KCTD2: variants seen among roughly 807,000 people sequenced by gnomAD.
KCTD2 encodes the protein potassium channel tetramerization domain containing 2, also known as BTB/POZ domain-containing protein KCTD2.
In KCTD2, 18 loss-of-function variants were observed where a neutral mutation model predicts 27.9. The ratio of observed to expected loss-of-function variants is 0.64; its 90% CI spans 0.45 to 0.96. The LOEUF (loss-of-function observed/expected upper bound fraction) is 0.96. Among genes scored for constraint, KCTD2 ranks in the 40% least tolerant of loss-of-function variants. The probability of loss-of-function intolerance (pLI) is 0.00; values close to 1 mark genes in which losing one functional copy is unlikely to be tolerated. For missense variants in KCTD2, 280 were observed against 348.0 expected (o/e 0.80, Z 1.56); for synonymous variants, 175 against 148.4 (o/e 1.18, Z -1.30).
At chr17:75,062,959 C>T in intron 5 of KCTD2, 59 bp from the exon 6 acceptor site, 1 of 1,580,114 alleles carries the variant, frequency 6.3e-7, no homozygotes, top group Non-Finnish European at 8.7e-7. Flanking sequence ...GAAAGCATCC[C>T]CCGACATCTC....
At position 75,065,507 on chromosome 17, in the gene KCTD2, G is replaced by C. The variant is rs969550476; in HGVS notation, c.*2460G>C. The C allele has an allele frequency of 6.6e-6, 1 of 152,416 alleles. No homozygotes were observed. The highest frequency in any genetic ancestry group is 1.9e-4 in the East Asian group (1 of 5,202). 9.4% of individuals were successfully genotyped at this position (152,416 alleles called of 1,614,324 possible). A position where few individuals can be genotyped will look rare whatever the true frequency, so the allele number is the denominator to read the frequency against. The stretch of plus-strand genomic sequence containing the variant: ...GCCTTTTTCTCTGCCCCAGGTCTGG[G>C]ACGCAGGTGATGCCAGCCAGGCCCA... On this transcript the variant is annotated 3_prime_UTR_variant, in exon 6 of 6. Transcript: ENST00000322444.
intron 4 of KCTD2, 53 bp downstream of exon 4, chr17:75,059,658 C>A: frequency 7.2e-7 from 1 of 1,387,054 alleles, no homozygotes; most frequent in Admixed American, 1.7e-5. Context: ...GGGTCTGCAG[C>A]TCTTCAAACA....
At chr17:75,049,515 C>G (rs2144926193) in intron 2 of KCTD2, among the ~76,000 whole-genome samples, 187 bp downstream of exon 2, 1 of 152,322 alleles carries the variant, frequency 6.6e-6, no homozygotes, top group Middle Eastern at 3.4e-3. Flanking sequence ...CCTCCTTAGG[C>G]TTTGTTCAGC....
rs552348833 is a variant in KCTD2 at position 75,064,119 on chromosome 17, A to G, written c.*1072A>G. 6.5e-6 allele frequency: 1 copy of G among 152,810 alleles called. No homozygotes were observed. Among genetic ancestry groups the G allele is most frequent in the African/African-American group, 2.4e-5 (1 of 41,576 alleles). 9.5% of individuals were successfully genotyped at this position (152,810 alleles called of 1,614,324 possible). On this transcript the variant is annotated 3_prime_UTR_variant, in exon 6 of 6. Transcript: ENST00000322444. ...CCCCAGTGGTATGTATGTATGTGCT[A>G]GGCAGTCTGGGGACCCCCTGTGTCT... is the stretch of plus-strand genomic sequence containing the variant.
At chr17:75,050,675 T>C (rs558403064) in intron 2 of KCTD2, among the ~76,000 whole-genome samples, 1 of 152,324 alleles carries the variant, frequency 6.6e-6, no homozygotes, top group East Asian at 1.9e-4. Context: ...TACCCTCTTT[T>C]AGTTAAGTAT....
At chr17:75,034,518 A>T (rs1012189374) in intron 2 of KCTD2, among the ~76,000 whole-genome samples, 4 of 152,172 alleles carry the variant, frequency 2.6e-5, no homozygotes, top group African/African-American at 9.6e-5. Context: ...TAAGACGCTA[A>T]ACCCACGTGC....
At chr17:75,048,908 ATGTT>A (rs1258519029) in intron 1 of KCTD2, 1 of 220,100 alleles carries the variant, frequency 4.5e-6, no homozygotes, top group Non-Finnish European at 8.9e-6. Flanking sequence ...CTACAGAAGA[ATGTT>A]TGTCACTGTA....
At chr17:75,047,980 G>A (rs2073245434) in intron 1 of KCTD2, among the ~76,000 whole-genome samples, 1 of 152,180 alleles carries the variant, frequency 6.6e-6, no homozygotes, top group Admixed American at 6.5e-5. Flanking sequence ...CCAGAACTGG[G>A]TCAGGGTTAG....
chr17:75,038,932 T>G, intron 3 of KCTD2: 1 of 1,612,170 alleles, frequency 6.2e-7, no homozygotes, highest in Non-Finnish European at 8.5e-7. Context: ...GGACTCAATT[T>G]TATAAATTCT....
At chr17:75,049,113 A>T in intron 1 of KCTD2, 107 bp from the exon 2 acceptor site, 1 of 641,598 alleles carries the variant, frequency 1.6e-6, no homozygotes, top group Non-Finnish European at 2.7e-6. Context: ...AGCTGATGGA[A>T]TGAATTGTTG....
At chr17:75,062,331 C>T in intron 5 of KCTD2, 86 bp downstream of exon 5, 1 of 1,346,262 alleles carries the variant, frequency 7.4e-7, no homozygotes, top group South Asian at 1.4e-5. Flanking sequence ...TTGCTCCTCA[C>T]TTCTTCCCTG....
At chr17:75,039,021 T>C (rs1403402287) in intron 3 of KCTD2, 1 of 1,614,160 alleles carries the variant, frequency 6.2e-7, no homozygotes, top group African/African-American at 1.3e-5. Flanking sequence ...AAGTCCTCAA[T>C]GGTCATCTGA....
intron 3 of KCTD2, among the ~76,000 whole-genome samples, chr17:75,058,671 C>T (rs1014053858): frequency 9.7e-5 from 14 of 143,952 alleles, no homozygotes; most frequent in East Asian, 2.1e-4. Flanking sequence ...TAGCGGCAGG[C>T]GCCTGTAATC....
chr17:75,052,941 C>G, intron 2 of KCTD2, 73 bp from the exon 3 acceptor site: 7 of 1,053,430 alleles, frequency 6.6e-6, no homozygotes, highest in Non-Finnish European at 1.0e-5. Flanking sequence ...AAGCATGTAA[C>G]CTTCATCCTC....
At position 75,052,556 on chromosome 17, in the gene KCTD2, T is replaced by C. The variant is rs148932944; in HGVS notation, c.449-458T>C. 1.8e-4 allele frequency among the ~76,000 whole-genome samples: 28 copies of C among 152,318 alleles called. No homozygotes were observed. In the East Asian group the frequency reaches 4.2e-3, roughly 23 times the overall value. On this transcript the variant is annotated intron_variant, in intron 2 of 5. Transcript: ENST00000322444. ...GACCAACATGATGAAACCCTGTCTCTACTAAAAATACAAAAAATTAGCCAG... is the reference window on the plus strand; with the variant it reads ...GACCAACATGATGAAACCCTGTCTCCACTAAAAATACAAAAAATTAGCCAG...
In KCTD2 at chr17:75,059,524, C is replaced by T. The variant is rs766925974; in HGVS notation, c.555C>T (p.His185=). The change falls in exon 4 of 6, where the codon CAC becomes CAT. Residue 185 remains histidine, a synonymous_variant. Coordinates refer to ENST00000322444, the MANE Select transcript of KCTD2 (RefSeq NM_015353.3). ...GGTCATTGCAGGGCCCCGTGAAGCA[C>T]GTGTACAGAGTCCTGCAGTGTCAGG... is the stretch of plus-strand genomic sequence containing the variant. ...ENRTSQGPVK[H]VYRVLQCQEE... 8.7e-6 allele frequency: 14 copies of T among 1,613,428 alleles called. No individual in the cohort carries two copies. In the South Asian group the frequency reaches 1.1e-4, roughly 13 times the overall value.
intron 3 of KCTD2, among the ~76,000 whole-genome samples, chr17:75,057,648 C>T (rs1273654913): frequency 6.6e-6 from 1 of 151,130 alleles, no homozygotes; most frequent in Non-Finnish European, 1.5e-5. Context: ...CAACTTCTGC[C>T]TCCGGGGTTC....
rs1159577419 is a variant in KCTD2 at position 75,063,094 on chromosome 17, G to A, written c.*47G>A. On this transcript the variant is annotated 3_prime_UTR_variant, in exon 6 of 6. Coordinates refer to ENST00000322444, the MANE Select transcript of KCTD2 (RefSeq NM_015353.3). ...GACCTTCAGGAGAGCAGTCAGCAGAGCCCCTCTGTGAAGTGAAACCTCACT... is the reference window on the plus strand; with the variant it reads ...GACCTTCAGGAGAGCAGTCAGCAGAACCCCTCTGTGAAGTGAAACCTCACT... 6.3e-7 allele frequency: 1 copy of A among 1,582,454 alleles called. No homozygotes were observed. The highest frequency in any genetic ancestry group is 1.1e-5 in the South Asian group (1 of 89,864).
At chr17:75,047,624 C>A (rs758557061) in intron 1 of KCTD2, 35 bp downstream of exon 1, 17 of 1,583,826 alleles carry the variant, frequency 1.1e-5, no homozygotes, top group Non-Finnish European at 1.5e-5. Context: ...CCCGGGCCTT[C>A]GAACCCCCTG....
Sources: allele counts gnomAD v4.1 joint callset (sites outside exome capture counted in the v4.1 genomes callset), GRCh38; gene constraint gnomAD v4.1.1; transcripts MANE v1.5; gene names NCBI Gene and HGNC (gene_info 2026-07-23, HGNC 2026-07-21).